Variants in NEK3 observed in about 807,000 individuals in gnomAD.
NEK3 encodes the protein serine/threonine-protein kinase Nek3.
In NEK3, 54 loss-of-function variants were observed where a neutral mutation model predicts 66.0. That is an observed-to-expected ratio of 0.82 (90% confidence interval 0.66 to 1.03). NEK3 has a LOEUF of 1.03. NEK3 is among the 50% of genes least tolerant of loss of function. The probability of loss-of-function intolerance (pLI) is 0.00; values close to 1 mark genes in which losing one functional copy is unlikely to be tolerated. For missense variants in NEK3, 593 were observed against 603.0 expected, an observed-to-expected ratio of 0.98 and a Z score of 0.17; for synonymous variants, 200 against 206.2, an observed-to-expected ratio of 0.97 and a Z score of 0.26.
chr13:52,152,345 G>A (rs1463588169), intron 5 of NEK3, among the ~76,000 whole-genome samples: 1 of 152,176 alleles, frequency 6.6e-6, no homozygotes, highest in Non-Finnish European at 1.5e-5. Flanking sequence ...TGAGGCAACA[G>A]ATATGTTAAT....
chr13:52,142,068 C>CA lies in NEK3; in HGVS notation c.878-1000dup, dbSNP rs535428338. Among the ~76,000 whole-genome samples the CA allele has an allele frequency of 6.7e-3, 1,022 of 151,906 alleles. 9 individuals carry two copies. Among genetic ancestry groups the CA allele is most frequent in the African/African-American group, 0.023 (945 of 41,314 alleles). On this transcript the variant is annotated intron_variant, in intron 10 of 15. Coordinates refer to ENST00000610828, the MANE Select transcript of NEK3 (RefSeq NM_002498.3). ...CACCACTGCAGTCCAGCCTGGGAGACACAGTGAGACTCTGTCTCAAAAATA... is the reference window on the plus strand; with the variant it reads ...CACCACTGCAGTCCAGCCTGGGAGACAACAGTGAGACTCTGTCTCAAAAATA...
chr13:52,141,101 A>G (rs369780547), intron 10 of NEK3, 32 bp from the exon 11 acceptor site: 37 of 1,558,474 alleles, frequency 2.4e-5, no homozygotes, highest in Non-Finnish European at 3.2e-5. Flanking sequence ...GTAGAAAGAT[A>G]AAACACATAA....
rs564552332 is a variant in NEK3 at position 52,133,806 on chromosome 13, C to T, written c.1319G>A (p.Gly440Glu). 1.3e-6 allele frequency: 2 copies of T among 1,598,526 alleles called. No individual in the cohort carries two copies. The highest frequency in any genetic ancestry group is 2.2e-5 in the East Asian group (1 of 44,592). ...TTCAGACAGGGGGCCTTTCAAGAAC[C>T]CTTCTGAACCTTCAGGAGATATTAA... ...TYTIYRPGSE[G>E]FLKGPLSEET... The change falls in exon 15 of 16, where the codon GGG becomes GAG. Residue 440 changes from glycine (G) to glutamate (E), a missense_variant. Gly to Glu is a moderately conservative substitution (Grantham distance 98). Coordinates refer to ENST00000610828, the MANE Select transcript of NEK3 (RefSeq NM_002498.3).
chr13:52,148,658 C>A (rs1209704251), intron 7 of NEK3, among the ~76,000 whole-genome samples, 189 bp from the exon 8 acceptor site: 3 of 152,094 alleles, frequency 2.0e-5, no homozygotes, highest in African/African-American at 7.2e-5. Context: ...CTTTTCAATC[C>A]CCACCCCCTT....
At chr13:52,144,927 G>C (rs1409796957) in intron 8 of NEK3, 36 bp from the exon 9 acceptor site, 2 of 1,423,462 alleles carry the variant, frequency 1.4e-6, no homozygotes, top group African/African-American at 2.8e-5. Flanking sequence ...AGCAGATACA[G>C]GGGAAGAAAT....
chr13:52,140,959 C>T lies in NEK3; in HGVS notation c.927+61G>A, dbSNP rs551168026. On this transcript the variant is annotated intron_variant, in intron 11 of 15. Transcript: ENST00000610828. ...CCTCCCGAGTAGCTGGGATTACAGG[C>T]TTGCACCACCACGCCCGGCCACCGC... 7.3e-6 allele frequency: 10 copies of T among 1,374,270 alleles called. No homozygotes were observed. The African/African-American group carries it at 8.6e-5, about 12-fold the overall frequency. 85.1% of individuals were successfully genotyped at this position (1,374,270 alleles called of 1,614,324 possible).
At chr13:52,158,384 T>G (rs1956412988) in intron 1 of NEK3, among the ~76,000 whole-genome samples, 4 of 152,176 alleles carry the variant, frequency 2.6e-5, no homozygotes, top group African/African-American at 9.7e-5. Flanking sequence ...CGAAACAATG[T>G]TTTTCCAAGA....
At chr13:52,151,435 A>T in intron 5 of NEK3, 43 bp from the exon 6 acceptor site, 1 of 1,510,732 alleles carries the variant, frequency 6.6e-7, no homozygotes, top group South Asian at 1.2e-5. Context: ...TTCTATCATC[A>T]AACATGAGGC....
At chr13:52,150,324 A>C (rs942105826) in intron 7 of NEK3, among the ~76,000 whole-genome samples, 3 of 152,230 alleles carry the variant, frequency 2.0e-5, no homozygotes, top group African/African-American at 7.2e-5. Flanking sequence ...TTACTAAGTA[A>C]ATTTTGGAAG....
At chr13:52,153,546 T>C (rs187698100) in intron 4 of NEK3, among the ~76,000 whole-genome samples, 1 of 152,178 alleles carries the variant, frequency 6.6e-6, no homozygotes, top group Non-Finnish European at 1.5e-5. Context: ...ATTCTTCTGA[T>C]GTTTTAGTAA....
In NEK3 at chr13:52,133,677, A is replaced by G. The variant is rs771319342; in HGVS notation, c.1436+12T>C. 1 of 1,551,422 alleles carries G rather than the reference A, an allele frequency of 6.4e-7. No individual in the cohort carries two copies. Among genetic ancestry groups the G allele is most frequent in the South Asian group, 1.2e-5 (1 of 84,032 alleles). On this transcript the variant is annotated intron_variant, in intron 15 of 15. Coordinates refer to ENST00000610828, the MANE Select transcript of NEK3 (RefSeq NM_002498.3). ...ACCCCAGCTACAGCTTTCTATGCAT[A>G]TCACAACGTACGTGTCCTCCTCATC...
At position 52,144,747 on chromosome 13, in the gene NEK3, T is replaced by C. The variant is rs1400983017; in HGVS notation, c.748A>G (p.Thr250Ala). 1 of 1,613,762 alleles carries C rather than the reference T, an allele frequency of 6.2e-7. No individual in the cohort carries two copies. The highest frequency in any genetic ancestry group is 8.5e-7 in the Non-Finnish European group (1 of 1,179,876). Residue 250 changes from threonine (T) to alanine (A), a missense_variant, in exon 9 of 16, where the codon ACG (threonine) becomes GCG (alanine). Thr to Ala is a moderately conservative substitution (Grantham distance 58). Coordinates refer to ENST00000610828, the MANE Select transcript of NEK3 (RefSeq NM_002498.3). ...GCTACGATGCCTCGAGAGAGAAGCG[T>C]TGTAGCCGAGGGGCGATGTGAGGGA... is the stretch of plus-strand genomic sequence containing the variant. Reference protein sequence around the residue: ...RNPSHRPSATTLLSRGIVARL... With the variant: ...RNPSHRPSATALLSRGIVARL...
intron 11 of NEK3, among the ~76,000 whole-genome samples, chr13:52,138,666 C>T (rs906246895): frequency 1.3e-5 from 2 of 152,134 alleles, no homozygotes; most frequent in African/African-American, 4.8e-5. Flanking sequence ...AAGTGGCTCA[C>T]ACCTATAAAT....
In NEK3 at chr13:52,144,838, G is replaced by C. The variant is rs1956281366; in HGVS notation, c.657C>G (p.Ile219Met). The C allele has an allele frequency of 3.1e-6, 5 of 1,612,832 alleles. No individual in the cohort carries two copies. Among genetic ancestry groups the C allele is most frequent in the Non-Finnish European group, 4.2e-6 (5 of 1,179,316 alleles). The change falls in exon 9 of 16, where the codon ATC (isoleucine) becomes ATG (methionine). Residue 219 changes from isoleucine (I) to methionine (M), a missense_variant. Transcript: ENST00000610828. Reference sequence around the variant, plus strand: ...AGGAGTAATGAGACGGCAGTGGACTGATGCACCCTTGACATACTTTGAGGA... The same window carrying C: ...AGGAGTAATGAGACGGCAGTGGACTCATGCACCCTTGACATACTTTGAGGA... Reference protein sequence around the residue: ...NLILKVCQGCISPLPSHYSYE... With the variant: ...NLILKVCQGCMSPLPSHYSYE...
intron 2 of NEK3, among the ~76,000 whole-genome samples, chr13:52,155,699 C>CAA (rs1174009694): frequency 3.3e-5 from 5 of 151,970 alleles, no homozygotes; most frequent in African/African-American, 9.6e-5. Flanking sequence ...TTTTTTGAGA[C>CAA]AGAGTCTTAT....
At chr13:52,153,445 C>T (rs1484172237) in intron 4 of NEK3, among the ~76,000 whole-genome samples, 1 of 152,000 alleles carries the variant, frequency 6.6e-6, no homozygotes, top group African/African-American at 2.4e-5. Context: ...ACTAAAAAGG[C>T]AGCAAGTCTT....
At chr13:52,157,858 A>AT (rs1308743688) in intron 1 of NEK3, among the ~76,000 whole-genome samples, 3 of 152,174 alleles carry the variant, frequency 2.0e-5, no homozygotes, top group Admixed American at 6.5e-5. Flanking sequence ...AATTTACTTG[A>AT]TTTTTCAAAA....
In NEK3 at chr13:52,133,054, T is replaced by C; in HGVS notation, c.*88A>G. 1 of 1,037,292 alleles carries C rather than the reference T, an allele frequency of 9.6e-7. No individual in the cohort carries two copies. Among genetic ancestry groups the C allele is most frequent in the Non-Finnish European group, 1.5e-6 (1 of 683,242 alleles). The allele number at this position is 1,037,292 out of a possible 1,614,324, so 64.3% of individuals were successfully genotyped here. ...GCTTCATTCTGTTTCCAAAGGAAAATATACGTCGCATGAACTCATGATCAT... is the reference window on the plus strand; with the variant it reads ...GCTTCATTCTGTTTCCAAAGGAAAACATACGTCGCATGAACTCATGATCAT... On this transcript the variant is annotated 3_prime_UTR_variant, in exon 16 of 16. Coordinates refer to ENST00000610828, the MANE Select transcript of NEK3 (RefSeq NM_002498.3).
chr13:52,150,377 A>C (rs1038083646), intron 7 of NEK3, among the ~76,000 whole-genome samples: 3 of 152,240 alleles, frequency 2.0e-5, no homozygotes, highest in Non-Finnish European at 4.4e-5. Flanking sequence ...AAATTTATGA[A>C]GAGTTTAAGT....
Sources: allele counts gnomAD v4.1 joint callset (sites outside exome capture counted in the v4.1 genomes callset), GRCh38; gene constraint gnomAD v4.1.1; transcripts MANE v1.5; gene names NCBI Gene and HGNC (gene_info 2026-07-23, HGNC 2026-07-21).